The following OLA1 variants were observed in gnomAD, a reference collection of about 807,000 sequenced individuals.
OLA1 encodes Obg like ATPase 1.
Under a neutral mutation model 48.4 loss-of-function variants are expected in OLA1, and 14 were observed. The ratio of observed to expected loss-of-function variants is 0.29; its 90% CI spans 0.19 to 0.45. The LOEUF is 0.45. Among genes scored for constraint, OLA1 ranks in the 20% least tolerant of loss-of-function variants. OLA1 has a pLI of 1.00. For missense variants in OLA1, 325 were observed against 467.1 expected (o/e 0.70, Z 2.80); for synonymous variants, 127 against 150.4 (o/e 0.84, Z 1.14).
chr2:174,186,355 C>T (rs1687654981), intron 4 of OLA1, among the ~76,000 whole-genome samples: 1 of 152,114 alleles, frequency 6.6e-6, no homozygotes, highest in Non-Finnish European at 1.5e-5. Context: ...AAATCTGAAA[C>T]CCAAAATGCT....
At chr2:174,114,375 C>CAAAAAAAAAAAAAAA (rs1685732777) in intron 7 of OLA1, among the ~76,000 whole-genome samples, 1 of 90,648 alleles carries the variant, frequency 1.1e-5, no homozygotes, top group Admixed American at 1.2e-4. Context: ...AAAAAAAAAG[C>CAAAAAAAAAAAAAAA]TAAATCAATT....
At chr2:174,216,921 C>T (rs1399785813) in intron 4 of OLA1, among the ~76,000 whole-genome samples, 2 of 152,064 alleles carry the variant, frequency 1.3e-5, no homozygotes, top group Admixed American at 1.3e-4. Flanking sequence ...ATATAACATA[C>T]AAGATGTGTG....
At chr2:174,091,380 T>C (rs1463838553) in intron 7 of OLA1, among the ~76,000 whole-genome samples, 1 of 151,998 alleles carries the variant, frequency 6.6e-6, no homozygotes, top group East Asian at 1.9e-4. Context: ...TATGATGGGT[T>C]TCTGCATAAG....
At chr2:174,169,705 C>A (rs1320132513) in intron 4 of OLA1, among the ~76,000 whole-genome samples, 1 of 152,126 alleles carries the variant, frequency 6.6e-6, no homozygotes, top group Non-Finnish European at 1.5e-5. Context: ...ATAAGTAGAA[C>A]CTCAGATTCT....
intron 10 of OLA1, 33 bp from the exon 11 acceptor site, chr2:174,075,560 T>C: frequency 7.5e-7 from 1 of 1,340,900 alleles, no homozygotes; most frequent in South Asian, 1.2e-5. Flanking sequence ...AAATGGGTTA[T>C]TAGTTTACAA....
At chr2:174,093,424 G>A (rs1178053036) in intron 7 of OLA1, among the ~76,000 whole-genome samples, 4 of 151,620 alleles carry the variant, frequency 2.6e-5, no homozygotes, top group African/African-American at 9.7e-5. Flanking sequence ...TGATTGCACC[G>A]CTGCACTGCA....
In OLA1 at chr2:174,093,186, C is replaced by T. The variant is rs561776308; in HGVS notation, c.729-11122G>A. On this transcript the variant is annotated intron_variant, in intron 7 of 10. Coordinates refer to ENST00000284719, the MANE Select transcript of OLA1 (RefSeq NM_013341.5). ...TAAATTGGCTGGGTGCAATGGCTCA[C>T]GCCTGTAATCCCAGCATTTTGGGGA... Among the ~76,000 whole-genome samples, 164 of 152,290 alleles carry T rather than the reference C, an allele frequency of 1.1e-3. 1 individual carries two copies. The highest frequency in any genetic ancestry group is 3.5e-3 in the African/African-American group (145 of 41,564).
chr2:174,177,113 G>T (rs1183657300), intron 4 of OLA1, among the ~76,000 whole-genome samples: 1 of 151,968 alleles, frequency 6.6e-6, no homozygotes, highest in African/African-American at 2.4e-5. Flanking sequence ...GCCTTTCAAA[G>T]GTGAATCATT....
chr2:174,201,782 G>A (rs142197324), intron 4 of OLA1, among the ~76,000 whole-genome samples: 3 of 152,196 alleles, frequency 2.0e-5, no homozygotes, highest in Admixed American at 1.3e-4. Flanking sequence ...GTTACCATTC[G>A]TATCATGTAA....
chr2:174,238,765 T>A (rs1383718865), intron 2 of OLA1, among the ~76,000 whole-genome samples: 2 of 152,122 alleles, frequency 1.3e-5, no homozygotes, highest in East Asian at 3.9e-4. Flanking sequence ...AATTTATGTA[T>A]CCTAAGGCTG....
intron 7 of OLA1, among the ~76,000 whole-genome samples, chr2:174,104,916 C>T (rs1685481134): frequency 6.6e-6 from 1 of 151,904 alleles, no homozygotes; most frequent in African/African-American, 2.4e-5. Context: ...TAGAAAGATT[C>T]AGCAGTTCTC....
chr2:174,207,954 G>C (rs1378816756), intron 4 of OLA1, among the ~76,000 whole-genome samples: 58 of 152,178 alleles, frequency 3.8e-4, no homozygotes, highest in Non-Finnish European at 1.0e-4. Flanking sequence ...GCAAAATATA[G>C]GCACTCGTGG....
At chr2:174,161,627 TGCACTCC>T (rs1687014642) in intron 4 of OLA1, among the ~76,000 whole-genome samples, 1 of 149,758 alleles carries the variant, frequency 6.7e-6, no homozygotes, top group African/African-American at 2.5e-5. Context: ...ATGGCACCAC[TGCACTCC>T]AGCCTGGGTG....
At chr2:174,112,721 C>T (rs1685682765) in intron 7 of OLA1, among the ~76,000 whole-genome samples, 2 of 152,172 alleles carry the variant, frequency 1.3e-5, no homozygotes, top group Non-Finnish European at 1.5e-5. Context: ...CTTGTTTCTG[C>T]CTTCTGCTCT....
At chr2:174,117,428 C>T (rs140850176) in intron 7 of OLA1, among the ~76,000 whole-genome samples, 79 of 152,308 alleles carry the variant, frequency 5.2e-4, no homozygotes, top group African/African-American at 1.8e-3. Context: ...TTCTTCTTAA[C>T]ACACCCAACT....
chr2:174,156,035 C>T (rs1686869672), intron 4 of OLA1, among the ~76,000 whole-genome samples: 1 of 152,124 alleles, frequency 6.6e-6, no homozygotes, highest in South Asian at 2.1e-4. Context: ...CAGTACCTAC[C>T]TCCTAAGACT....
intron 5 of OLA1, among the ~76,000 whole-genome samples, chr2:174,140,957 G>C (rs1183231324): frequency 6.6e-6 from 1 of 151,884 alleles, no homozygotes; most frequent in Non-Finnish European, 1.5e-5. Context: ...ATTTGAGACA[G>C]AGTCTCACTC....
At chr2:174,146,644 T>C (rs1477657581) in intron 4 of OLA1, among the ~76,000 whole-genome samples, 4 of 152,190 alleles carry the variant, frequency 2.6e-5, no homozygotes, top group Non-Finnish European at 4.4e-5. Context: ...TGAGAAGGAC[T>C]GACCTAAAGT....
At position 174,207,044 on chromosome 2, in the gene OLA1, G is replaced by A. The variant is rs867944443; in HGVS notation, c.373+15989C>T. ...AATGATGTGCTTATGGCGGAGGAAG[G>A]TGGGCTCTTGAAAACAGTAATTTAT... On this transcript the variant is annotated intron_variant, in intron 4 of 10. Coordinates refer to ENST00000284719, the MANE Select transcript of OLA1 (RefSeq NM_013341.5). 3.3e-5 allele frequency among the ~76,000 whole-genome samples: 5 copies of A among 152,258 alleles called. No individual in the cohort carries two copies. In the South Asian group the frequency reaches 8.3e-4, roughly 25 times the overall value.
Sources: gnomAD v4.1 joint callset for allele counts (sites outside exome capture counted in the v4.1 genomes callset) on GRCh38, gnomAD v4.1.1 for gene constraint, MANE v1.5 for transcripts, NCBI Gene and HGNC (gene_info 2026-07-23, HGNC 2026-07-21) for gene names.